Variants in EPHA3 observed in about 807,000 individuals in gnomAD.
EPHA3 encodes EPH receptor A3, also known as ephrin type-A receptor 3.
A neutral mutation model predicts 107.1 loss-of-function variants in EPHA3; 42 were observed. The ratio of observed to expected loss-of-function variants is 0.39; its 90% CI spans 0.31 to 0.51. EPHA3 has a LOEUF of 0.51. EPHA3 is among the 20% of genes least tolerant of loss of function. The pLI is 0.78. For synonymous variants in EPHA3, 461 were observed against 424.8 expected, an observed-to-expected ratio of 1.09 and a Z score of -1.05; for missense variants, 1,183 against 1,211.2, an observed-to-expected ratio of 0.98 and a Z score of 0.35.
At chr3:89,107,919 G>T in intron 1 of EPHA3, 83 bp downstream of exon 1, 2 of 1,358,734 alleles carry the variant, frequency 1.5e-6, no homozygotes, top group South Asian at 1.2e-5. Flanking sequence ...AGCCTTGCAC[G>T]TCGGGAAGGT....
At chr3:89,425,730 C>T (rs1265273217) in intron 11 of EPHA3, among the ~76,000 whole-genome samples, 2 of 151,052 alleles carry the variant, frequency 1.3e-5, no homozygotes, top group East Asian at 1.9e-4. Flanking sequence ...TATATATATG[C>T]GTATGTATGT....
intron 3 of EPHA3, among the ~76,000 whole-genome samples, chr3:89,325,091 C>T (rs1400308576): frequency 6.6e-6 from 1 of 152,082 alleles, no homozygotes; most frequent in East Asian, 1.9e-4. Flanking sequence ...TTTTATTTAT[C>T]CACCACTGAT....
chr3:89,161,381 T>C (rs1471532405), intron 2 of EPHA3, among the ~76,000 whole-genome samples: 8 of 152,174 alleles, frequency 5.3e-5, no homozygotes, highest in Non-Finnish European at 1.2e-4. Context: ...TATACAAAAA[T>C]TGTGTAATGT....
intron 1 of EPHA3, among the ~76,000 whole-genome samples, chr3:89,117,192 A>G (rs887347601): frequency 6.6e-6 from 1 of 152,076 alleles, no homozygotes; most frequent in African/African-American, 2.4e-5. Context: ...GGTTTTTTCA[A>G]TTAATAGTTA....
At chr3:89,327,473 G>A (rs1470953675) in intron 3 of EPHA3, among the ~76,000 whole-genome samples, 3 of 151,988 alleles carry the variant, frequency 2.0e-5, no homozygotes, top group South Asian at 2.1e-4. Context: ...AACTGTAAGC[G>A]CTAAGAAACC....
At chr3:89,124,462 G>A (rs1370063198) in intron 1 of EPHA3, among the ~76,000 whole-genome samples, 1 of 151,854 alleles carries the variant, frequency 6.6e-6, no homozygotes, top group Non-Finnish European at 1.5e-5. Context: ...ATTCTTAGAC[G>A]GTGTTATTTT....
chr3:89,132,021 G>T (rs1559745461), intron 2 of EPHA3, among the ~76,000 whole-genome samples: 1 of 152,172 alleles, frequency 6.6e-6, no homozygotes, highest in African/African-American at 2.4e-5. Flanking sequence ...AGTTATTGTT[G>T]CAGGGATTGG....
chr3:89,311,332 T>A (rs1361479827), intron 3 of EPHA3, among the ~76,000 whole-genome samples: 8 of 152,036 alleles, frequency 5.3e-5, no homozygotes, highest in Non-Finnish European at 1.2e-4. Context: ...AGAAATGGAC[T>A]TTTTGGTGAA....
intron 1 of EPHA3, among the ~76,000 whole-genome samples, chr3:89,124,900 T>G (rs139874478): frequency 6.6e-6 from 1 of 152,112 alleles, no homozygotes; most frequent in African/African-American, 2.4e-5. Flanking sequence ...ATTGACTGTA[T>G]GGTCTAACCT....
intron 3 of EPHA3, among the ~76,000 whole-genome samples, chr3:89,327,312 C>T (rs1421265144): frequency 3.3e-5 from 5 of 152,056 alleles, no homozygotes; most frequent in Non-Finnish European, 7.4e-5. Flanking sequence ...TTTTATCTGG[C>T]CTGTAAACAC....
intron 3 of EPHA3, among the ~76,000 whole-genome samples, chr3:89,325,008 C>A (rs1707133890): frequency 6.6e-6 from 1 of 152,090 alleles, no homozygotes; most frequent in Non-Finnish European, 1.5e-5. Flanking sequence ...CAGTTGCATC[C>A]ATGTTGCTGC....
intron 3 of EPHA3, among the ~76,000 whole-genome samples, chr3:89,311,082 C>T (rs185150980): frequency 3.9e-5 from 6 of 151,976 alleles, no homozygotes; most frequent in East Asian, 3.9e-4. Flanking sequence ...AATGCTGGAG[C>T]GATACCTGGC....
At chr3:89,139,640 A>G (rs1343255173) in intron 2 of EPHA3, among the ~76,000 whole-genome samples, 1 of 151,786 alleles carries the variant, frequency 6.6e-6, no homozygotes, top group East Asian at 1.9e-4. Flanking sequence ...GAGTAATCAA[A>G]TTTTAGAGGT....
intron 3 of EPHA3, among the ~76,000 whole-genome samples, chr3:89,313,125 C>T (rs1352945573): frequency 3.3e-5 from 5 of 151,764 alleles, no homozygotes; most frequent in Admixed American, 6.6e-5. Context: ...TCCTTGAATC[C>T]GTTTTGTGCA....
intron 5 of EPHA3, 26 bp from the exon 6 acceptor site, chr3:89,395,811 C>T (rs2107503869): frequency 6.2e-7 from 1 of 1,612,096 alleles, no homozygotes; most frequent in South Asian, 1.1e-5. Context: ...TTCCTTCCAC[C>T]TTCCCCTCCC....
At chr3:89,342,936 G>A (rs1553683962) in intron 5 of EPHA3, among the ~76,000 whole-genome samples, 1 of 151,502 alleles carries the variant, frequency 6.6e-6, no homozygotes, top group Non-Finnish European at 1.5e-5. Flanking sequence ...GAGACAAGAT[G>A]CCACTCTGAT....
Position 89,413,279 on chromosome 3 carries a change from A to C in EPHA3, c.1888+13A>C. 1 of 1,611,164 alleles carries C rather than the reference A, an allele frequency of 6.2e-7. No individual in the cohort carries two copies. The highest frequency in any genetic ancestry group is 8.5e-7 in the Non-Finnish European group (1 of 1,177,926). On this transcript the variant is annotated intron_variant, in intron 10 of 16. Coordinates refer to ENST00000336596, the MANE Select transcript of EPHA3 (RefSeq NM_005233.6). Reference sequence around the variant, plus strand: ...GTTGTTGGAGCAGGTAACCACAATGACCCTACTGCCAACTTAGTACTGTAT... The same window carrying C: ...GTTGTTGGAGCAGGTAACCACAATGCCCCTACTGCCAACTTAGTACTGTAT...
chr3:89,416,792 T>G (rs1439588213), intron 10 of EPHA3, among the ~76,000 whole-genome samples: 1 of 151,480 alleles, frequency 6.6e-6, no homozygotes, highest in Non-Finnish European at 1.5e-5. Flanking sequence ...TGTACATGTT[T>G]ATGTGTCCAG....
intron 2 of EPHA3, among the ~76,000 whole-genome samples, chr3:89,181,810 G>C (rs1416927229): frequency 6.6e-6 from 1 of 151,958 alleles, no homozygotes; most frequent in Non-Finnish European, 1.5e-5. Context: ...TGCTCAGAAA[G>C]CTGGCCTGTC....
Sources: gnomAD v4.1 joint callset for allele counts (sites outside exome capture counted in the v4.1 genomes callset) on GRCh38, gnomAD v4.1.1 for gene constraint, MANE v1.5 for transcripts, NCBI Gene and HGNC (gene_info 2026-07-23, HGNC 2026-07-21) for gene names.